The following TASOR2 variants were observed in gnomAD, a reference collection of about 807,000 sequenced individuals.
TASOR2 encodes the protein transcription activation suppressor family member 2, also known as protein TASOR 2.
TASOR2 carries 84 observed loss-of-function variants against 199.5 expected under a neutral mutation model. The ratio of observed to expected loss-of-function variants is 0.42; its 90% CI spans 0.35 to 0.50. The LOEUF (loss-of-function observed/expected upper bound fraction) is 0.50, where lower values mean the gene tolerates loss of function less well. TASOR2 is among the 20% of genes least tolerant of loss of function. The pLI, the probability that TASOR2 is intolerant of heterozygous loss-of-function variation, is 0.02. For synonymous variants in TASOR2, 1,103 were observed against 1,046.6 expected (o/e 1.05, Z -1.04); for missense variants, 2,796 against 2,835.9 (o/e 0.99, Z 0.32).
intron 10 of TASOR2, 130 bp downstream of exon 11, chr10:5,727,253 A>C: frequency 1.1e-6 from 1 of 905,700 alleles, no homozygotes; most frequent in Non-Finnish European, 1.7e-6. Flanking sequence ...TCTTAACATC[A>C]CTGGTTCACC....
In TASOR2 at chr10:5,701,701, A is replaced by G. The variant is rs1433495522; in HGVS notation, c.-287-11122A>G. ...TCTTTGGCTAAATTGATTCCTAGGTATGTTATATTCTTTGTAGCTATTGTA... is the reference window on the plus strand; with the variant it reads ...TCTTTGGCTAAATTGATTCCTAGGTGTGTTATATTCTTTGTAGCTATTGTA... On this transcript the variant is annotated intron_variant, in intron 1 of 20. Transcript: ENST00000328090. This position sits in a 1 kb window ranked among gnomAD's most constrained non-coding sequence, Gnocchi z 4.9. Among the ~76,000 whole-genome samples, 1 of 151,972 alleles carries G rather than the reference A, an allele frequency of 6.6e-6. No individual in the cohort carries two copies.
At position 5,722,329 on chromosome 10, in the gene TASOR2, G is replaced by C. The variant is rs1203272486; in HGVS notation, c.147-1348G>C. Among the ~76,000 whole-genome samples the C allele has an allele frequency of 2.0e-5, 3 of 152,138 alleles. No individual in the cohort carries two copies. Among genetic ancestry groups the C allele is most frequent in the Non-Finnish European group, 2.9e-5 (2 of 68,024 alleles). On this transcript the variant is annotated intron_variant, in intron 6 of 20. Coordinates refer to ENST00000328090, the Ensembl canonical transcript of TASOR2. This position sits in a 1 kb window ranked among gnomAD's most constrained non-coding sequence, Gnocchi z 4.0. ...AAATTAGCCGGGCGTGGTGGCACGT[G>C]CCTGTGATCCTAGCTACTGGGGACG...
rs561789185 is a variant in TASOR2 at position 5,750,672 on chromosome 10, C to T, written c.6606+645C>T. ...ACATAAAGGTTGCAGAAATAGTACC[C>T]TTTACCCAGATACCCCAATATTAAC... is the stretch of plus-strand genomic sequence containing the variant. On this transcript the variant is annotated intron_variant, in intron 15 of 20. Coordinates refer to ENST00000328090, the Ensembl canonical transcript of TASOR2. The surrounding 1 kb of genome is among the most constrained non-coding windows in gnomAD (Gnocchi z 5.4). Among the ~76,000 whole-genome samples, 4 of 152,156 alleles carry T rather than the reference C, an allele frequency of 2.6e-5. No homozygotes were observed. In the South Asian group the frequency reaches 8.3e-4, roughly 32 times the overall value.
In TASOR2 at chr10:5,730,631, A is replaced by G; in HGVS notation, c.632A>G (p.Gln211Arg). ...AACACATTAGTAAAGCGTCATTTCC[A>G]AGAATTGTACAAGGCGGACAGAAGC... The change falls in exon 11 of 21, where the codon CAA becomes CGA. Residue 211 changes from glutamine to arginine, a missense_variant. Physicochemically the swap from Gln to Arg is conservative, Grantham distance 43 (BLOSUM62 1). Coordinates refer to ENST00000328090, the Ensembl canonical transcript of TASOR2. The surrounding 1 kb of genome is among the most constrained non-coding windows in gnomAD (Gnocchi z 4.1). 6.2e-7 allele frequency: 1 copy of G among 1,614,222 alleles called. No individual in the cohort carries two copies.
At chr10:5,691,212 A>G (rs188418904) in intron 1 of TASOR2, among the ~76,000 whole-genome samples, 18 of 151,768 alleles carry the variant, frequency 1.2e-4, no homozygotes, top group Non-Finnish European at 1.9e-4. Flanking sequence ...AAAGAAAGTT[A>G]TATGATCTTG....
chr10:5,688,162 A>G (rs1424631711), intron 1 of TASOR2, among the ~76,000 whole-genome samples: 1 of 152,220 alleles, frequency 6.6e-6, no homozygotes, highest in East Asian at 1.9e-4. Flanking sequence ...ATATTTTAAT[A>G]ATCTTTTCAG....
intron 10 of TASOR2, among the ~76,000 whole-genome samples, chr10:5,727,815 A>C (rs1285283417): frequency 6.6e-6 from 1 of 152,118 alleles, no homozygotes; most frequent in Admixed American, 6.5e-5. Context: ...ATATAGTTTA[A>C]ATATTTATTT....
At chr10:5,732,993 GC>G (rs968446135) in intron 11 of TASOR2, among the ~76,000 whole-genome samples, 1 of 152,142 alleles carries the variant, frequency 6.6e-6, no homozygotes, top group Non-Finnish European at 1.5e-5. Context: ...CAGATTCCAG[GC>G]CAACCATACT....
At chr10:5,726,943 T>C (rs1443785496) in exon 9 of TASOR2, 1 of 1,614,094 alleles carries the variant, frequency 6.2e-7, no homozygotes, top group Admixed American at 1.7e-5. Flanking sequence ...TCATCAGCCT[T>C]ACTATCAGAA....
chr10:5,714,309 T>G, intron 2 of TASOR2, 102 bp downstream of exon 3: 6 of 593,856 alleles, frequency 1.0e-5, no homozygotes, highest in Non-Finnish European at 1.5e-5. Context: ...AAAGCCAGTT[T>G]CATTAAATGT....
intron 1 of TASOR2, among the ~76,000 whole-genome samples, chr10:5,691,169 G>A (rs1368271209): frequency 2.1e-5 from 3 of 144,602 alleles, no homozygotes; most frequent in East Asian, 2.0e-4. Context: ...CCAGCCTGAC[G>A]ACAGAGTGAG....
rs1258560064 is a variant in TASOR2 at position 5,687,074 on chromosome 10, T to G, written c.-288+1899T>G. On this transcript the variant is annotated intron_variant, in intron 1 of 20. Transcript: ENST00000328090. This position sits in a 1 kb window ranked among gnomAD's most constrained non-coding sequence, Gnocchi z 4.8. ...CTAAGAGAATATGTACATCTCCCTT[T>G]TCTTTAAAAATTTTTTATTGTGAAA... Among the ~76,000 whole-genome samples, 1 of 152,228 alleles carries G rather than the reference T, an allele frequency of 6.6e-6. No individual in the cohort carries two copies. The highest frequency in any genetic ancestry group is 2.4e-5 in the African/African-American group (1 of 41,464).
Position 5,742,319 on chromosome 10 carries a change from C to G in TASOR2, c.2550C>G (p.Asp850Glu). ...TTGGTTTGGAAAAATGTTCTGCAGA[C>G]TCTCTGTTGGAGACTAACGAAATTT... The change falls in exon 14 of 21, where the codon GAC (aspartate) becomes GAG (glutamate). Residue 850 changes from aspartate to glutamate, a missense_variant. Around this residue, in one of 3 missense-constraint regions of TASOR2, gnomAD observed 1,941 missense variants for 1,924.9 expected, o/e 1.01. Transcript: ENST00000328090. The surrounding 1 kb of genome is among the most constrained non-coding windows in gnomAD (Gnocchi z 4.2). 1 of 1,614,170 alleles carries G rather than the reference C, an allele frequency of 6.2e-7. No individual in the cohort carries two copies. The highest frequency in any genetic ancestry group is 8.5e-7 in the Non-Finnish European group (1 of 1,180,026).
At chr10:5,712,391 C>T in intron 1 of TASOR2, 1 of 1,231,380 alleles carries the variant, frequency 8.1e-7, no homozygotes, top group Non-Finnish European at 1.0e-6. Flanking sequence ...TTGTGTTTTA[C>T]AGTTTTTGAG....
At chr10:5,732,552 T>G (rs1369516183) in intron 11 of TASOR2, among the ~76,000 whole-genome samples, 1 of 152,224 alleles carries the variant, frequency 6.6e-6, no homozygotes. Context: ...GAGTTTTTTT[T>G]GTTTGGAGTT....
In TASOR2 at chr10:5,721,114, T is replaced by C. The variant is rs901314796; in HGVS notation, c.146+144T>C. On this transcript the variant is annotated intron_variant, in intron 6 of 20. Transcript: ENST00000328090. ...AGATGAGGGTATATTTGGGTAAATG[T>C]ATAGCACACAGGGTATGACATAGTA... The C allele has an allele frequency of 4.9e-6, 3 of 611,722 alleles. No homozygotes were observed. The African/African-American group carries it at 5.6e-5, about 11-fold the overall frequency. 37.9% of individuals were successfully genotyped at this position (611,722 alleles called of 1,614,324 possible). A position where few individuals can be genotyped will look rare whatever the true frequency, so the allele number is the denominator to read the frequency against.
exon 15 of TASOR2, chr10:5,749,955 A>G: frequency 6.2e-7 from 1 of 1,614,154 alleles, no homozygotes; most frequent in Non-Finnish European, 8.5e-7. Flanking sequence ...GTGTTGTGAA[A>G]GAGGCTTGTA....
At chr10:5,696,267 C>G (rs1426671064) in intron 1 of TASOR2, among the ~76,000 whole-genome samples, 1 of 152,168 alleles carries the variant, frequency 6.6e-6, no homozygotes, top group Admixed American at 6.5e-5. Flanking sequence ...TATGGAAATT[C>G]ACCCGATTGA....
chr10:5,693,597 G>C (rs890670124), intron 1 of TASOR2, among the ~76,000 whole-genome samples: 2 of 152,196 alleles, frequency 1.3e-5, no homozygotes. Flanking sequence ...AACTTCAGGA[G>C]TTCAAGACCA....
Sources: gnomAD v4.1 joint callset for allele counts (sites outside exome capture counted in the v4.1 genomes callset) on GRCh38, gnomAD v4.1.1 for gene constraint, gnomAD v4.1.1 regional missense constraint, Gnocchi (gnomAD v3.1) non-coding constraint, MANE v1.5 for transcripts, NCBI Gene and HGNC (gene_info 2026-07-23, HGNC 2026-07-21) for gene names.